RAD51B: variants seen among roughly 807,000 people sequenced by gnomAD.
The protein encoded by RAD51B is RAD51 paralog B, also known as DNA repair protein RAD51 homolog 2.
In RAD51B, 38 loss-of-function variants were observed where a neutral mutation model predicts 42.2. The observed-to-expected ratio is 0.90, with a 90% CI of 0.70 to 1.18. The LOEUF (loss-of-function observed/expected upper bound fraction) is 1.18, where lower values mean the gene tolerates loss of function less well. Among genes scored for constraint, RAD51B ranks in the 50% most tolerant of loss-of-function variants. The probability of loss-of-function intolerance (pLI) is 0.00; values close to 1 mark genes in which losing one functional copy is unlikely to be tolerated. For missense variants in RAD51B, 373 were observed against 400.7 expected (o/e 0.93, Z 0.59); for synonymous variants, 154 against 145.2 (o/e 1.06, Z -0.43).
chr14:68,395,094 A>G (rs562259571), intron 8 of RAD51B, among the ~76,000 whole-genome samples: 21 of 152,084 alleles, frequency 1.4e-4, no homozygotes, highest in Non-Finnish European at 2.9e-4. Flanking sequence ...CTCCACGGCC[A>G]TCTGTTCCCT....
At chr14:68,372,274 A>G (rs2083280696) in intron 8 of RAD51B, among the ~76,000 whole-genome samples, 1 of 152,180 alleles carries the variant, frequency 6.6e-6, no homozygotes, top group African/African-American at 2.4e-5. Context: ...AGAAAAACAA[A>G]GAGCATGTTC....
chr14:67,878,039 ATTAG>A (rs1474658146), intron 5 of RAD51B, among the ~76,000 whole-genome samples: 4 of 152,162 alleles, frequency 2.6e-5, no homozygotes, highest in Non-Finnish European at 5.9e-5. Flanking sequence ...TTCCCCCACT[ATTAG>A]TTATCAAGAT....
At chr14:68,165,463 A>G (rs775183342) in intron 7 of RAD51B, among the ~76,000 whole-genome samples, 7 of 152,194 alleles carry the variant, frequency 4.6e-5, no homozygotes, top group Non-Finnish European at 5.9e-5. Flanking sequence ...TATGGGGAAG[A>G]CAGTGGCTGG....
chr14:67,880,287 T>G (rs1324113274), intron 5 of RAD51B, among the ~76,000 whole-genome samples: 1 of 152,216 alleles, frequency 6.6e-6, no homozygotes, highest in Non-Finnish European at 1.5e-5. Flanking sequence ...CTTACTTTGC[T>G]CATTTTGAGA....
At chr14:67,927,476 C>T (rs1046738605) in intron 7 of RAD51B, among the ~76,000 whole-genome samples, 1 of 152,136 alleles carries the variant, frequency 6.6e-6, no homozygotes, top group African/African-American at 2.4e-5. Context: ...CCAACTTCTC[C>T]TGTCCTCTCC....
intron 10 of RAD51B, among the ~76,000 whole-genome samples, chr14:68,574,439 C>T (rs80007757): frequency 0.091 from 13,813 of 152,312 alleles, 834 homozygotes; most frequent in South Asian, 0.16. Flanking sequence ...TCTTAATTCT[C>T]AGCCCTTAAA....
chr14:67,989,027 A>G (rs2140287102), intron 7 of RAD51B, among the ~76,000 whole-genome samples: 1 of 152,344 alleles, frequency 6.6e-6, no homozygotes, highest in East Asian at 1.9e-4. Context: ...TACAATAAGT[A>G]TTAGGACTGT....
chr14:68,473,122 C>G (rs889964334), intron 10 of RAD51B, among the ~76,000 whole-genome samples: 1 of 152,192 alleles, frequency 6.6e-6, no homozygotes, highest in African/African-American at 2.4e-5. Context: ...CTGCTGGACT[C>G]AAAGTGACCC....
chr14:68,094,930 GT>G (rs1392278673), intron 7 of RAD51B, among the ~76,000 whole-genome samples: 3 of 152,118 alleles, frequency 2.0e-5, no homozygotes, highest in Non-Finnish European at 2.9e-5. Context: ...AGGAATTTAT[GT>G]TTTTTTCCTG....
Position 67,934,665 on chromosome 14 carries a change from G to A in RAD51B, c.756+47461G>A, listed in dbSNP as rs1049784641. Among the ~76,000 whole-genome samples, 17 of 151,950 alleles carry A rather than the reference G, an allele frequency of 1.1e-4. 1 individual carries two copies. The highest frequency in any genetic ancestry group is 8.3e-4 in the South Asian group (4 of 4,826). On this transcript the variant is annotated intron_variant, in intron 7 of 10. Transcript: ENST00000471583. ...TTTTATTTTTAGTTTTATTTGTTTC[G>A]TATTCTCTATTTCATTCCCCTATCA...
chr14:68,198,165 T>G (rs1258807110), intron 7 of RAD51B, among the ~76,000 whole-genome samples: 2 of 152,134 alleles, frequency 1.3e-5, no homozygotes, highest in African/African-American at 4.8e-5. Context: ...TCCCATATAT[T>G]TTTCCAGCGT....
chr14:68,217,776 A>G (rs1238971152), intron 7 of RAD51B, among the ~76,000 whole-genome samples: 1 of 152,236 alleles, frequency 6.6e-6, no homozygotes, highest in African/African-American at 2.4e-5. Flanking sequence ...TCGGGCACTC[A>G]TAGAATATTT....
intron 10 of RAD51B, among the ~76,000 whole-genome samples, chr14:68,554,854 G>GT (rs3076489): frequency 0.012 from 1,714 of 138,886 alleles, 31 homozygotes; most frequent in African/African-American, 0.037. Context: ...AAATTAAAAA[G>GT]TTTTTTTTTT....
chr14:67,911,606 A>T (rs2043980578), intron 7 of RAD51B, among the ~76,000 whole-genome samples: 1 of 152,192 alleles, frequency 6.6e-6, no homozygotes, highest in Non-Finnish European at 1.5e-5. Flanking sequence ...CAGTTTAAAT[A>T]GTTCTCATTA....
intron 11 of RAD51B, among the ~76,000 whole-genome samples, chr14:68,663,640 A>G (rs1892978847): frequency 6.6e-6 from 1 of 152,202 alleles, no homozygotes; most frequent in Non-Finnish European, 1.5e-5. Context: ...CTCCTGCCAG[A>G]ACGCTGACCA....
chr14:68,125,137 C>G (rs1289819513), intron 7 of RAD51B: 1 of 152,122 alleles, frequency 6.6e-6, no homozygotes. Context: ...ATGAGACACA[C>G]AGCAAAGTGG....
At chr14:68,470,503 C>T (rs1459715820) in intron 10 of RAD51B, 1 of 487,716 alleles carries the variant, frequency 2.1e-6, no homozygotes, top group Non-Finnish European at 4.1e-6. Context: ...GAGAAAATCT[C>T]TGGGCCTTGC....
Position 67,842,418 on chromosome 14 carries a change from G to A in RAD51B, c.315+7222G>A, listed in dbSNP as rs139640838. Reference sequence around the variant, plus strand: ...TTTTGAGATGGAGTCTCACTCTGTCGCCTAGGCTGGAGTGCAGTGGCACAA... The same window carrying A: ...TTTTGAGATGGAGTCTCACTCTGTCACCTAGGCTGGAGTGCAGTGGCACAA... On this transcript the variant is annotated intron_variant, in intron 4 of 10. Coordinates refer to ENST00000471583, the MANE Select transcript of RAD51B (RefSeq NM_133510.4). Among the ~76,000 whole-genome samples the A allele has an allele frequency of 1.3e-3, 202 of 152,030 alleles. 2 individuals are homozygous for A. Among genetic ancestry groups the A allele is most frequent in the Middle Eastern group, 3.4e-3 (1 of 294 alleles).
chr14:67,829,968 A>G (rs1332659923), intron 3 of RAD51B, among the ~76,000 whole-genome samples: 1 of 152,212 alleles, frequency 6.6e-6, no homozygotes, highest in Non-Finnish European at 1.5e-5. Flanking sequence ...CTAAAACATG[A>G]AAGATGAATA....
Sources: allele counts gnomAD v4.1 joint callset (sites outside exome capture counted in the v4.1 genomes callset), GRCh38; gene constraint gnomAD v4.1.1; transcripts MANE v1.5; gene names NCBI Gene and HGNC (gene_info 2026-07-23, HGNC 2026-07-21).